Variants in NRG2 observed in about 807,000 individuals in gnomAD.
NRG2 encodes the protein pro-neuregulin-2, membrane-bound isoform.
NRG2 carries 27 observed loss-of-function variants against 73.9 expected under a neutral mutation model. That is an observed-to-expected ratio of 0.37 (90% CI 0.27 to 0.50). The LOEUF is 0.50. Ranked by LOEUF, NRG2 falls within the 20% of genes least tolerant of loss-of-function variation. NRG2 has a pLI of 0.96. For synonymous variants in NRG2, 532 were observed against 541.0 expected, an observed-to-expected ratio of 0.98 and a Z score of 0.23; for missense variants, 1,126 against 1,210.1, an observed-to-expected ratio of 0.93 and a Z score of 1.03.
chr5:139,904,360 T>C lies in NRG2; in HGVS notation c.701-16849A>G, dbSNP rs770808242. The C allele has an allele frequency of 1.0e-5, 16 of 1,589,360 alleles. No individual in the cohort carries two copies. The highest frequency in any genetic ancestry group is 3.6e-4 in the Middle Eastern group (2 of 5,628). Reference sequence around the variant, plus strand: ...CCGCTTCCTCCCCTCTGGGTGCTTCTTGCCGCGGCCGCGGCCCCTCCTCCT... The same window carrying C: ...CCGCTTCCTCCCCTCTGGGTGCTTCCTGCCGCGGCCGCGGCCCCTCCTCCT... On this transcript the variant is annotated intron_variant, in intron 1 of 9. Coordinates refer to ENST00000361474, the MANE Select transcript of NRG2 (RefSeq NM_004883.3). The surrounding 1 kb of genome is among the most constrained non-coding windows in gnomAD (Gnocchi z 6.0).
At chr5:139,908,545 G>A (rs928494693) in intron 1 of NRG2, among the ~76,000 whole-genome samples, 3 of 152,316 alleles carry the variant, frequency 2.0e-5, no homozygotes, top group South Asian at 4.2e-4. Flanking sequence ...CCATTTTGCA[G>A]TTGAAGAAAC....
intron 1 of NRG2, among the ~76,000 whole-genome samples, chr5:139,981,242 G>A (rs957281949): frequency 6.6e-6 from 1 of 152,200 alleles, no homozygotes; most frequent in Non-Finnish European, 1.5e-5. Flanking sequence ...ACTGGGTGCT[G>A]CTCCCCTACC....
At chr5:139,907,854 G>A (rs1427613292) in intron 1 of NRG2, among the ~76,000 whole-genome samples, 1 of 152,196 alleles carries the variant, frequency 6.6e-6, no homozygotes, top group East Asian at 1.9e-4. Context: ...GAGACAATGA[G>A]CAGACCAGGT....
intron 1 of NRG2, among the ~76,000 whole-genome samples, chr5:139,979,567 G>T (rs1248552169): frequency 1.3e-5 from 2 of 152,210 alleles, no homozygotes; most frequent in Admixed American, 1.3e-4. Context: ...GGGAATGATG[G>T]GATGTCATGT....
At chr5:139,962,286 AG>A (rs1755128153) in intron 1 of NRG2, among the ~76,000 whole-genome samples, 1 of 152,186 alleles carries the variant, frequency 6.6e-6, no homozygotes, top group South Asian at 2.1e-4. Context: ...GCATAGAAAG[AG>A]GGAGGCTGTG....
At chr5:139,924,797 C>T (rs1459688985) in intron 1 of NRG2, among the ~76,000 whole-genome samples, 4 of 152,192 alleles carry the variant, frequency 2.6e-5, no homozygotes, top group African/African-American at 4.8e-5. Flanking sequence ...CCTCCCTTTC[C>T]GGGGCCTCGC....
intron 1 of NRG2, among the ~76,000 whole-genome samples, chr5:140,011,372 G>T (rs1414225343): frequency 6.6e-6 from 1 of 152,116 alleles, no homozygotes; most frequent in Non-Finnish European, 1.5e-5. Context: ...TGATCTTATC[G>T]CCTAGTACTC....
chr5:140,028,551 A>T (rs916224481), intron 1 of NRG2, among the ~76,000 whole-genome samples: 2 of 152,178 alleles, frequency 1.3e-5, no homozygotes, highest in African/African-American at 4.8e-5. Flanking sequence ...AACTACACAT[A>T]GACCTGATTG....
chr5:139,968,031 T>C (rs1041087916), intron 1 of NRG2, among the ~76,000 whole-genome samples: 68 of 151,988 alleles, frequency 4.5e-4, no homozygotes, highest in African/African-American at 1.5e-3. Flanking sequence ...CAGGACTGCA[T>C]GCTTACTCAA....
intron 1 of NRG2, among the ~76,000 whole-genome samples, chr5:139,958,185 C>T (rs1263048885): frequency 6.6e-6 from 1 of 151,962 alleles, no homozygotes; most frequent in Non-Finnish European, 1.5e-5. Context: ...AGGCAAAGAC[C>T]ACTAGCGTAG....
intron 2 of NRG2, among the ~76,000 whole-genome samples, chr5:139,881,324 T>C (rs1231318537): frequency 1.3e-5 from 2 of 152,182 alleles, no homozygotes; most frequent in Non-Finnish European, 2.9e-5. Context: ...ACCTCCCTCA[T>C]TCCCAGCTGC....
chr5:139,892,532 A>T (rs1441945364), intron 1 of NRG2, among the ~76,000 whole-genome samples: 2 of 152,132 alleles, frequency 1.3e-5, no homozygotes, highest in African/African-American at 4.8e-5. Context: ...GACCTCAGAC[A>T]TGACTGGGCT....
At position 139,962,643 on chromosome 5, in the gene NRG2, G is replaced by A. The variant is rs551483560; in HGVS notation, c.701-75132C>T. ...GGAAGTCCTGTGAAGTTACACAGGG[G>A]GCTTCTTCATCCTTCCCAAGCCCCA... On this transcript the variant is annotated intron_variant, in intron 1 of 9. Transcript: ENST00000361474. Among the ~76,000 whole-genome samples the A allele has an allele frequency of 5.3e-5, 8 of 152,182 alleles. No homozygotes were observed. The East Asian group carries it at 1.5e-3, about 29-fold the overall frequency.
intron 1 of NRG2, among the ~76,000 whole-genome samples, chr5:139,932,790 GA>G (rs1186162687): frequency 4.6e-5 from 7 of 151,562 alleles, no homozygotes; most frequent in African/African-American, 1.7e-4. Context: ...AATAGAGAAA[GA>G]AATCTCCTAG....
At chr5:139,879,752 T>C (rs1470112196) in intron 3 of NRG2, among the ~76,000 whole-genome samples, 1 of 152,088 alleles carries the variant, frequency 6.6e-6, no homozygotes, top group Non-Finnish European at 1.5e-5. Flanking sequence ...TGAGGTATAG[T>C]TAGAGCAGAA....
intron 1 of NRG2, among the ~76,000 whole-genome samples, chr5:139,957,985 G>T (rs1276354317): frequency 1.3e-5 from 2 of 152,018 alleles, no homozygotes. Context: ...TTCTCACTCT[G>T]GTGGGTCCTA....
chr5:140,014,094 C>T (rs1337514802), intron 1 of NRG2, among the ~76,000 whole-genome samples: 4 of 152,118 alleles, frequency 2.6e-5, no homozygotes, highest in African/African-American at 4.8e-5. Context: ...ATACCTCCAG[C>T]CCCTATCTTA....
intron 1 of NRG2, among the ~76,000 whole-genome samples, chr5:139,961,567 G>A (rs1298171882): frequency 1.3e-5 from 2 of 152,166 alleles, no homozygotes; most frequent in East Asian, 3.8e-4. Flanking sequence ...GATCAGCATG[G>A]GGCTGGACTC....
In NRG2 at chr5:139,910,658, T is replaced by C. The variant is rs114449428; in HGVS notation, c.701-23147A>G. On this transcript the variant is annotated intron_variant, in intron 1 of 9. Transcript: ENST00000361474. ...GTTCGGAGGCCCTTTCCAATAGTGA[T>C]TAGCCGCACCACCTTGCCATGCCCT... Among the ~76,000 whole-genome samples the C allele has an allele frequency of 3.6e-3, 551 of 152,310 alleles. 3 individuals are homozygous for C. The highest frequency in any genetic ancestry group is 0.013 in the African/African-American group (539 of 41,564).
Sources: allele counts gnomAD v4.1 joint callset (sites outside exome capture counted in the v4.1 genomes callset), GRCh38; gene constraint gnomAD v4.1.1; non-coding constraint Gnocchi (gnomAD v3.1); transcripts MANE v1.5; gene names NCBI Gene and HGNC (gene_info 2026-07-23, HGNC 2026-07-21).